The following SAMD5 variants were observed in gnomAD, a reference collection of about 807,000 sequenced individuals.
The protein encoded by SAMD5 is sterile alpha motif domain containing 5.
In SAMD5, 13 loss-of-function variants were observed where a neutral mutation model predicts 11.3. The observed-to-expected ratio is 1.15, with a 90% CI of 0.75 to 1.83. The LOEUF is 1.83. Ranked by LOEUF, SAMD5 falls within the 40% of genes most tolerant of loss-of-function variation. The pLI, the probability that SAMD5 is intolerant of heterozygous loss-of-function variation, is 0.00. For synonymous variants in SAMD5, 129 were observed against 111.3 expected, an observed-to-expected ratio of 1.16 and a Z score of -1.00; for missense variants, 255 against 239.1, an observed-to-expected ratio of 1.07 and a Z score of -0.44.
chr6:147,819,922 G>A, the SAMD5 span, among the ~76,000 whole-genome samples: 2 of 152,304 alleles, frequency 1.3e-5, no homozygotes, highest in African/African-American at 2.4e-5. Flanking sequence ...GCAACACCAC[G>A]CATCTTGGCA....
chr6:147,902,653 A>G, the SAMD5 span, among the ~76,000 whole-genome samples: 158 of 152,312 alleles, frequency 1.0e-3, no homozygotes, highest in African/African-American at 3.6e-3. Flanking sequence ...CTTAATTCTA[A>G]TTGATTCTAA....
the SAMD5 span, among the ~76,000 whole-genome samples, chr6:147,928,513 T>C: frequency 1.4e-4 from 21 of 152,146 alleles, no homozygotes; most frequent in Admixed American, 3.3e-4. Context: ...CGTGGTAACA[T>C]CTTCTTTGTC....
chr6:147,889,665 C>G, the SAMD5 span, among the ~76,000 whole-genome samples: 3 of 152,154 alleles, frequency 2.0e-5, no homozygotes, highest in African/African-American at 4.8e-5. Context: ...TTCCTAGTAT[C>G]CTAAATATGC....
chr6:147,687,937 G>A (rs73597494), intron 1 of SAMD5, among the ~76,000 whole-genome samples: 3,351 of 152,200 alleles, frequency 0.022, 105 homozygotes, highest in African/African-American at 0.076. Flanking sequence ...TGGAACTGTG[G>A]TTTAAGTCTT....
intron 1 of SAMD5, among the ~76,000 whole-genome samples, chr6:147,611,429 G>T (rs957015307): frequency 2.0e-5 from 3 of 151,972 alleles, no homozygotes; most frequent in Non-Finnish European, 4.4e-5. Flanking sequence ...CAGGCATGGT[G>T]GTGCGCGCCT....
chr6:147,610,410 G>A (rs1340914224), intron 1 of SAMD5, among the ~76,000 whole-genome samples: 1 of 152,170 alleles, frequency 6.6e-6, no homozygotes, highest in South Asian at 2.1e-4. Flanking sequence ...CATGCCAGGC[G>A]ACGTTGTATG....
At chr6:147,680,293 TTATAA>T (rs1199510238) in intron 1 of SAMD5, among the ~76,000 whole-genome samples, 1 of 152,152 alleles carries the variant, frequency 6.6e-6, no homozygotes, top group Non-Finnish European at 1.5e-5. Flanking sequence ...TATTTTGATG[TTATAA>T]TATTATTATT....
At chr6:147,718,650 T>A (rs1791501116) in intron 1 of SAMD5, among the ~76,000 whole-genome samples, 1 of 152,072 alleles carries the variant, frequency 6.6e-6, no homozygotes, top group South Asian at 2.1e-4. Flanking sequence ...TGCTGGACAG[T>A]GTGGCCTTTA....
intron 1 of SAMD5, among the ~76,000 whole-genome samples, chr6:147,694,558 G>C (rs1422742533): frequency 6.6e-6 from 1 of 152,074 alleles, no homozygotes; most frequent in African/African-American, 2.4e-5. Flanking sequence ...TTAAATATAA[G>C]ATAAAAATTC....
intron 1 of SAMD5, among the ~76,000 whole-genome samples, chr6:147,672,689 A>G (rs1790811316): frequency 6.6e-6 from 1 of 151,510 alleles, no homozygotes; most frequent in South Asian, 2.1e-4. Context: ...CACAGAGGCC[A>G]CTTTAAGCAA....
the SAMD5 span, among the ~76,000 whole-genome samples, chr6:147,864,425 G>A: frequency 1.3e-5 from 2 of 152,178 alleles, no homozygotes; most frequent in East Asian, 1.9e-4. Flanking sequence ...TTGGTAAACC[G>A]ACCATCTTGT....
At chr6:147,628,132 TTGA>T (rs1790086219) in intron 1 of SAMD5, among the ~76,000 whole-genome samples, 1 of 152,310 alleles carries the variant, frequency 6.6e-6, no homozygotes, top group African/African-American at 2.4e-5. Flanking sequence ...TTCCCTAATG[TTGA>T]TGAAGTTTCT....
Position 147,508,880 on chromosome 6 carries a change from C to T in SAMD5, c.-49C>T. 1 of 1,577,642 alleles carries T rather than the reference C, an allele frequency of 6.3e-7. No individual in the cohort carries two copies. The highest frequency in any genetic ancestry group is 2.4e-5 in the East Asian group (1 of 40,958). On this transcript the variant is annotated 5_prime_UTR_variant, in exon 1 of 2. Transcript: ENST00000367474. ...GTTCCAAGAACTGGTGCCGCCCGTG[C>T]CATTTGGGCGCTGGGAAGGTGCTCG... is the stretch of plus-strand genomic sequence containing the variant.
chr6:147,617,455 T>C (rs1327431635), intron 1 of SAMD5, among the ~76,000 whole-genome samples: 3 of 152,250 alleles, frequency 2.0e-5, no homozygotes, highest in Admixed American at 2.0e-4. Context: ...TAGAACATAA[T>C]TATGCCATTT....
chr6:147,948,454 G>C, the SAMD5 span, among the ~76,000 whole-genome samples: 1 of 152,126 alleles, frequency 6.6e-6, no homozygotes. Flanking sequence ...CCATTTCCCT[G>C]TGTGTAATAT....
chr6:147,833,618 G>T, the SAMD5 span, among the ~76,000 whole-genome samples: 1 of 152,116 alleles, frequency 6.6e-6, no homozygotes, highest in African/African-American at 2.4e-5. Context: ...CCTTGTTGTG[G>T]TTCCAGTGCA....
intron 1 of SAMD5, among the ~76,000 whole-genome samples, chr6:147,547,654 G>A (rs1788707240): frequency 6.6e-6 from 1 of 152,166 alleles, no homozygotes; most frequent in Non-Finnish European, 1.5e-5. Flanking sequence ...CAACCCGAGA[G>A]AATAATCTCC....
the SAMD5 span, among the ~76,000 whole-genome samples, chr6:147,895,330 T>G: frequency 6.6e-6 from 1 of 152,206 alleles, no homozygotes; most frequent in Non-Finnish European, 1.5e-5. Context: ...GATGATTTCT[T>G]TGTTGCCTCC....
chr6:147,564,983 G>A lies in SAMD5; in HGVS notation c.*527G>A. The stretch of plus-strand genomic sequence containing the variant: ...AAGATACATAATTCTATGTAGAATA[G>A]TTTGGTGAAGGAATTCTTATTTTAA... On this transcript the variant is annotated 3_prime_UTR_variant, in exon 2 of 2. Coordinates refer to ENST00000367474, the MANE Select transcript of SAMD5 (RefSeq NM_001030060.3). The A allele has an allele frequency of 1.2e-6, 1 of 842,134 alleles. No homozygotes were observed. Among genetic ancestry groups the A allele is most frequent in the Non-Finnish European group, 1.4e-6 (1 of 700,570 alleles). 52.2% of individuals were successfully genotyped at this position (842,134 alleles called of 1,614,324 possible).
Sources: gnomAD v4.1 joint callset for allele counts (sites outside exome capture counted in the v4.1 genomes callset) on GRCh38, gnomAD v4.1.1 for gene constraint, MANE v1.5 for transcripts, NCBI Gene and HGNC (gene_info 2026-07-23, HGNC 2026-07-21) for gene names.